The following EDA variants were observed in gnomAD, a reference collection of about 807,000 sequenced individuals.
The protein encoded by EDA is ectodysplasin-A.
In EDA, 2 loss-of-function variants were observed where a neutral mutation model predicts 23.6. The observed-to-expected ratio is 0.08, with a 90% CI of 0.03 to 0.27. The LOEUF (loss-of-function observed/expected upper bound fraction) is 0.27, where lower values mean the gene tolerates loss of function less well. Ranked by LOEUF, EDA falls within the 10% of genes least tolerant of loss-of-function variation. EDA has a pLI of 1.00. For missense variants in EDA, 229 were observed against 324.2 expected, an observed-to-expected ratio of 0.71 and a Z score of 2.26; for synonymous variants, 131 against 132.0, an observed-to-expected ratio of 0.99 and a Z score of 0.05.
At chrX:69,956,962 G>A in intron 1 of EDA, 65 bp from the exon 2 acceptor site, 2 of 1,056,536 alleles carry the variant, frequency 1.9e-6, no homozygotes, top group South Asian at 1.9e-5. Flanking sequence ...TGGAAAGCTG[G>A]TTTTTTATGT....
intron 1 of EDA, among the ~76,000 whole-genome samples, chrX:69,956,770 A>T (rs961161965): frequency 8.9e-6 from 1 of 112,156 alleles, no homozygotes; most frequent in African/African-American, 3.2e-5. Flanking sequence ...AAGAAATGGG[A>T]CCTGATGGAT....
chrX:69,699,513 G>T lies in EDA; in HGVS notation c.396+82809G>T, dbSNP rs141433089. On this transcript the variant is annotated intron_variant, in intron 1 of 7. Transcript: ENST00000374552. The stretch of plus-strand genomic sequence containing the variant: ...GAGCTAGCATATCTTTGATGTTATG[G>T]GTTGAATAAACTGTTAGGTTGGCAT... Among the ~76,000 whole-genome samples the T allele has an allele frequency of 1.7e-4, 19 of 111,294 alleles. No homozygotes were observed. The East Asian group carries it at 5.4e-3, about 32-fold the overall frequency.
intron 1 of EDA, among the ~76,000 whole-genome samples, chrX:69,881,881 T>G (rs1230223550): frequency 1.8e-5 from 2 of 110,447 alleles, no homozygotes; most frequent in Non-Finnish European, 3.8e-5. Context: ...CAGGCTCTTT[T>G]TAACAATCAG....
At position 70,038,947 on chromosome X, in the gene EDA, C is replaced by A. The variant is rs1198149689; in HGVS notation, c.*3338C>A. ...TAAAGCAGTTCCTGTCCCACATGGC[C>A]ATCTTCTTTCTTCCACCCACAAACT... On this transcript the variant is annotated 3_prime_UTR_variant, in exon 8 of 8. Coordinates refer to ENST00000374552, the MANE Select transcript of EDA (RefSeq NM_001399.5). 4 of 112,238 alleles carry A rather than the reference C, an allele frequency of 3.6e-5. No individual in the cohort carries two copies. In the East Asian group the frequency reaches 1.1e-3, roughly 32 times the overall value. The allele number at this position is 112,238 out of a possible 1,213,427, so 9.2% of individuals were successfully genotyped here.
At chrX:69,829,678 C>G (rs2016558722) in intron 1 of EDA, among the ~76,000 whole-genome samples, 1 of 111,909 alleles carries the variant, frequency 8.9e-6, no homozygotes, top group Non-Finnish European at 1.9e-5. Context: ...GTAGCACCTG[C>G]TTCTGAAACC....
intron 1 of EDA, among the ~76,000 whole-genome samples, chrX:69,809,470 A>G (rs1286248501): frequency 9.0e-6 from 1 of 111,490 alleles, no homozygotes; most frequent in African/African-American, 3.3e-5. Flanking sequence ...AACATAGGGA[A>G]TTACAATTCG....
intron 2 of EDA, among the ~76,000 whole-genome samples, chrX:69,974,242 A>G (rs937494264): frequency 9.0e-6 from 1 of 110,913 alleles, no homozygotes; most frequent in Non-Finnish European, 1.9e-5. Context: ...TGACTGTTTT[A>G]CAAGTGCTTA....
chrX:69,677,717 G>T lies in EDA; in HGVS notation c.396+61013G>T, dbSNP rs1934156981. Among the ~76,000 whole-genome samples the T allele has an allele frequency of 7.2e-5, 8 of 111,864 alleles. No individual in the cohort carries two copies. In the South Asian group the frequency reaches 3.0e-3, roughly 42 times the overall value. On this transcript the variant is annotated intron_variant, in intron 1 of 7. Coordinates refer to ENST00000374552, the MANE Select transcript of EDA (RefSeq NM_001399.5). ...TTGTTTGAGTTCATTGTAGATTCTG[G>T]ATGTTAGCCCTTTGTCAGATGAGTA...
chrX:69,757,160 T>C (rs2014148459), intron 1 of EDA, among the ~76,000 whole-genome samples: 1 of 112,202 alleles, frequency 8.9e-6, no homozygotes, highest in South Asian at 3.7e-4. Flanking sequence ...CCCCAGTGTT[T>C]GTTAGTCTTC....
chrX:69,892,576 T>C (rs1282837970), intron 1 of EDA, among the ~76,000 whole-genome samples: 2 of 112,033 alleles, frequency 1.8e-5, no homozygotes, highest in Non-Finnish European at 3.8e-5. Context: ...AATTGAAAAA[T>C]AGATTAGAGC....
At chrX:69,943,804 A>G (rs1242077286) in intron 1 of EDA, among the ~76,000 whole-genome samples, 1 of 110,146 alleles carries the variant, frequency 9.1e-6, no homozygotes, top group African/African-American at 3.3e-5. Context: ...GATGCCATCC[A>G]GGAGCCAGAA....
chrX:69,726,505 A>G (rs756394507), intron 1 of EDA, among the ~76,000 whole-genome samples: 4 of 112,632 alleles, frequency 3.6e-5, no homozygotes, highest in Non-Finnish European at 7.5e-5. Context: ...CTTTGGAGGA[A>G]GATAATATCA....
At chrX:69,710,888 T>G (rs1229104380) in intron 1 of EDA, among the ~76,000 whole-genome samples, 2 of 111,914 alleles carry the variant, frequency 1.8e-5, no homozygotes, top group Non-Finnish European at 3.8e-5. Flanking sequence ...TAAGGAGATT[T>G]TGGGCTGAGA....
At chrX:69,648,071 G>A (rs749781205) in intron 1 of EDA, among the ~76,000 whole-genome samples, 1 of 111,356 alleles carries the variant, frequency 9.0e-6, no homozygotes, top group African/African-American at 3.3e-5. Flanking sequence ...CCTTCCTCTG[G>A]AAGCTCTGTC....
At chrX:69,682,918 A>G (rs1027886768) in intron 1 of EDA, among the ~76,000 whole-genome samples, 7 of 111,348 alleles carry the variant, frequency 6.3e-5, no homozygotes, top group African/African-American at 2.3e-4. Context: ...ATCAACATGC[A>G]ATACGTTATA....
intron 1 of EDA, among the ~76,000 whole-genome samples, chrX:69,726,492 A>G (rs1282681106): frequency 1.8e-5 from 2 of 112,428 alleles, no homozygotes; most frequent in African/African-American, 6.5e-5. Flanking sequence ...AGCAAAAGTA[A>G]ATCTTTGGAG....
intron 1 of EDA, among the ~76,000 whole-genome samples, chrX:69,873,874 A>C (rs1176658973): frequency 1.8e-5 from 2 of 112,137 alleles, no homozygotes; most frequent in African/African-American, 6.5e-5. Flanking sequence ...AGGACATAAC[A>C]AAACAAGAAA....
At position 69,732,381 on chromosome X, in the gene EDA, C is replaced by G. The variant is rs147472284; in HGVS notation, c.396+115677C>G. 3.6e-3 allele frequency among the ~76,000 whole-genome samples: 400 copies of G among 111,704 alleles called. 1 individual carries two copies. The highest frequency in any genetic ancestry group is 0.012 in the African/African-American group (379 of 30,752). On this transcript the variant is annotated intron_variant, in intron 1 of 7. Transcript: ENST00000374552. ...TTTTCTGTCCTTGCAGTAGTTTGCT[C>G]AGAATGATGGTTTCCAGCTTCATCC...
intron 1 of EDA, among the ~76,000 whole-genome samples, chrX:69,946,677 G>A (rs2018838246): frequency 9.0e-6 from 1 of 110,577 alleles, no homozygotes; most frequent in Non-Finnish European, 1.9e-5. Context: ...TCTGACTGTT[G>A]CAACTCTGTT....
Sources: gnomAD v4.1 joint callset for allele counts (sites outside exome capture counted in the v4.1 genomes callset) on GRCh38, gnomAD v4.1.1 for gene constraint, MANE v1.5 for transcripts, NCBI Gene and HGNC (gene_info 2026-07-23, HGNC 2026-07-21) for gene names.